Variants in GPR137B observed in about 807,000 individuals in gnomAD.
The protein encoded by GPR137B is G protein-coupled receptor 137B.
A neutral mutation model predicts 42.5 loss-of-function variants in GPR137B; 42 were observed. The ratio of observed to expected loss-of-function variants is 0.99; its 90% CI spans 0.77 to 1.28. GPR137B has a LOEUF of 1.28. Among genes scored for constraint, GPR137B ranks in the 50% most tolerant of loss-of-function variants. The probability of loss-of-function intolerance (pLI) is 0.00; values close to 1 mark genes in which losing one functional copy is unlikely to be tolerated. For synonymous variants in GPR137B, 218 were observed against 209.7 expected, an observed-to-expected ratio of 1.04 and a Z score of -0.34; for missense variants, 487 against 493.9, an observed-to-expected ratio of 0.99 and a Z score of 0.13.
In GPR137B at chr1:236,142,794, G is replaced by A. The variant is rs1661561698; in HGVS notation, c.172G>A (p.Val58Met). ...VYTVFYALLF[V>M]FIYVQLWLVL... ...CACCGTGTTCTACGCGCTGCTCTTC[G>A]TGTTCATCTACGTGCAGCTCTGGCT... The change falls in exon 1 of 7, where the codon GTG becomes ATG. Residue 58 changes from valine (V) to methionine (M), a missense_variant. Transcript: ENST00000366592. The A allele has an allele frequency of 1.2e-6, 2 of 1,613,892 alleles. No individual in the cohort carries two copies. The highest frequency in any genetic ancestry group is 1.7e-6 in the Non-Finnish European group (2 of 1,180,010).
chr1:236,192,200 C>T (rs1044771978), intron 5 of GPR137B, among the ~76,000 whole-genome samples: 1 of 152,150 alleles, frequency 6.6e-6, no homozygotes, highest in Admixed American at 6.5e-5. Context: ...CCAGGTCGAC[C>T]TCAGACTGCT....
rs536556172 is a variant in GPR137B at position 236,162,605 on chromosome 1, C to T, written c.415-6101C>T. On this transcript the variant is annotated intron_variant, in intron 1 of 6. Coordinates refer to ENST00000366592, the MANE Select transcript of GPR137B (RefSeq NM_003272.4). ...CATGCTGTGTGCAGCCTAGGGACTT[C>T]GTGCCCTGTGTCCCAGCTGCTCCAG... Among the ~76,000 whole-genome samples the T allele has an allele frequency of 2.6e-5, 4 of 152,338 alleles. No individual in the cohort carries two copies. The South Asian group carries it at 6.2e-4, about 24-fold the overall frequency.
At chr1:236,180,089 T>TTTCTTG (rs1173018490) in intron 4 of GPR137B, 61 bp downstream of exon 4, 2 of 1,446,284 alleles carry the variant, frequency 1.4e-6, no homozygotes, top group Non-Finnish European at 1.9e-6. Context: ...CTCGAGGCAT[T>TTTCTTG]GGTTCCAGGA....
At chr1:236,189,761 T>C (rs1663134997) in intron 5 of GPR137B, among the ~76,000 whole-genome samples, 1 of 152,216 alleles carries the variant, frequency 6.6e-6, no homozygotes, top group African/African-American at 2.4e-5. Flanking sequence ...ATAAATGAGA[T>C]GACGTGCTGA....
intron 1 of GPR137B, among the ~76,000 whole-genome samples, chr1:236,161,461 TCTC>T (rs1192524429): frequency 6.8e-6 from 1 of 146,710 alleles, no homozygotes; most frequent in Non-Finnish European, 1.5e-5. Flanking sequence ...ACACATCACA[TCTC>T]CTCACACCTC....
At chr1:236,165,424 G>A (rs1022380250) in intron 1 of GPR137B, among the ~76,000 whole-genome samples, 1 of 152,170 alleles carries the variant, frequency 6.6e-6, no homozygotes, top group African/African-American at 2.4e-5. Context: ...TGAGTTATCC[G>A]CATCTTGGCT....
At chr1:236,178,665 C>T in intron 3 of GPR137B, 29 bp downstream of exon 3, 1 of 1,333,302 alleles carries the variant, frequency 7.5e-7, no homozygotes, top group Non-Finnish European at 1.1e-6. Context: ...AAGATCCCTC[C>T]CATGAAACGT....
At chr1:236,204,705 G>A (rs938636402) in intron 5 of GPR137B, among the ~76,000 whole-genome samples, 1 of 152,094 alleles carries the variant, frequency 6.6e-6, no homozygotes. Flanking sequence ...AGTGGATTAG[G>A]GAGCAGAGAA....
intron 1 of GPR137B, among the ~76,000 whole-genome samples, chr1:236,157,621 G>A (rs1662071591): frequency 1.3e-5 from 2 of 152,136 alleles, no homozygotes. Flanking sequence ...CAGTATATGT[G>A]GGGGACTGGT....
chr1:236,198,426 G>A (rs1246232032), intron 5 of GPR137B, among the ~76,000 whole-genome samples: 2 of 151,880 alleles, frequency 1.3e-5, no homozygotes, highest in African/African-American at 4.8e-5. Flanking sequence ...GGCTGGTCTC[G>A]AACTACTGAC....
At chr1:236,188,714 G>T (rs1054264160) in intron 5 of GPR137B, among the ~76,000 whole-genome samples, 3 of 152,116 alleles carry the variant, frequency 2.0e-5, no homozygotes, top group African/African-American at 4.8e-5. Context: ...TGCTGGATTC[G>T]GTTTGCCAGT....
At chr1:236,170,462 G>GGTTTT (rs1352806889) in intron 2 of GPR137B, among the ~76,000 whole-genome samples, 2 of 152,030 alleles carry the variant, frequency 1.3e-5, no homozygotes, top group African/African-American at 2.4e-5. Flanking sequence ...CACCGTCCCG[G>GGTTTT]GTTTTGTTTT....
At chr1:236,204,216 TTGTGC>T (rs1236879074) in intron 5 of GPR137B, among the ~76,000 whole-genome samples, 1 of 152,240 alleles carries the variant, frequency 6.6e-6, no homozygotes, top group East Asian at 1.9e-4. Flanking sequence ...TCACATTTAT[TTGTGC>T]TATGTTGAGC....
chr1:236,205,819 C>T (rs1355562635), intron 6 of GPR137B, among the ~76,000 whole-genome samples: 1 of 152,122 alleles, frequency 6.6e-6, no homozygotes, highest in South Asian at 2.1e-4. Context: ...GGATTACAGG[C>T]GTGAGCCACT....
chr1:236,166,609 C>T (rs988078547), intron 1 of GPR137B, among the ~76,000 whole-genome samples: 60 of 150,040 alleles, frequency 4.0e-4, no homozygotes, highest in African/African-American at 1.3e-3. Context: ...ATAGCAGAAC[C>T]AAATAATTCT....
chr1:236,168,415 TTC>T (rs1467561043), intron 1 of GPR137B, among the ~76,000 whole-genome samples: 1 of 149,364 alleles, frequency 6.7e-6, no homozygotes, highest in Non-Finnish European at 1.5e-5. Flanking sequence ...AAGAGTGAAA[TTC>T]TGTCTCGAAA....
rs983770680 is a variant in GPR137B at position 236,171,437 on chromosome 1, C to G, written c.464+2682C>G. On this transcript the variant is annotated intron_variant, in intron 2 of 6. Coordinates refer to ENST00000366592, the MANE Select transcript of GPR137B (RefSeq NM_003272.4). This position sits in a 1 kb window ranked among gnomAD's most constrained non-coding sequence, Gnocchi z 4.4. ...TGGGCATAGGAGGAGAACATTCTGT[C>G]TGATCGGACCGTGGAACTGATTTTA... 1.4e-4 allele frequency among the ~76,000 whole-genome samples: 21 copies of G among 152,170 alleles called. No individual in the cohort carries two copies. Among genetic ancestry groups the G allele is most frequent in the Admixed American group, 1.4e-3 (21 of 15,282 alleles).
At chr1:236,151,261 C>G (rs1411350557) in intron 1 of GPR137B, among the ~76,000 whole-genome samples, 1 of 152,054 alleles carries the variant, frequency 6.6e-6, no homozygotes, top group African/African-American at 2.4e-5. Flanking sequence ...AAATATTTCA[C>G]TTTTTATGTT....
rs531307028 is a variant in GPR137B at position 236,173,249 on chromosome 1, C to T, written c.464+4494C>T. On this transcript the variant is annotated intron_variant, in intron 2 of 6. Transcript: ENST00000366592. ...GAAGCTGCAGTGAGCTGTGATTGCA[C>T]TCCTGCTCTCCAGCCTGGGTGACAG... Among the ~76,000 whole-genome samples the T allele has an allele frequency of 6.2e-4, 92 of 148,408 alleles. No individual in the cohort carries two copies. The South Asian group carries it at 0.01, about 17-fold the overall frequency.
Sources: gnomAD v4.1 joint callset for allele counts (sites outside exome capture counted in the v4.1 genomes callset) on GRCh38, gnomAD v4.1.1 for gene constraint, Gnocchi (gnomAD v3.1) non-coding constraint, MANE v1.5 for transcripts, NCBI Gene and HGNC (gene_info 2026-07-23, HGNC 2026-07-21) for gene names.